Variants in IGSF21 observed in about 807,000 individuals in gnomAD.
The protein encoded by IGSF21 is immunoglobulin superfamily member 21.
IGSF21 carries 28 observed loss-of-function variants against 46.8 expected under a neutral mutation model. The observed-to-expected ratio is 0.60, with a 90% CI of 0.44 to 0.82. The LOEUF (loss-of-function observed/expected upper bound fraction) is 0.82, where lower values mean the gene tolerates loss of function less well. Among genes scored for constraint, IGSF21 ranks in the 40% least tolerant of loss-of-function variants. The pLI, the probability that IGSF21 is intolerant of heterozygous loss-of-function variation, is 0.00. For missense variants in IGSF21, 624 were observed against 665.5 expected (o/e 0.94, Z 0.69); for synonymous variants, 284 against 273.6 (o/e 1.04, Z -0.38).
At chr1:18,146,408 C>T (rs78307495) in intron 1 of IGSF21, among the ~76,000 whole-genome samples, 2,189 of 152,190 alleles carry the variant, frequency 0.014, 56 homozygotes, top group African/African-American at 0.05. Context: ...GTTGGCTCAG[C>T]GGGCGACCTT....
chr1:18,354,042 T>C (rs916786608), intron 4 of IGSF21, among the ~76,000 whole-genome samples: 24 of 152,174 alleles, frequency 1.6e-4, no homozygotes, highest in African/African-American at 5.3e-4. Context: ...ACACGCACTC[T>C]AGTGGGGAGA....
chr1:18,108,795 C>T (rs1179079317), intron 1 of IGSF21, among the ~76,000 whole-genome samples: 4 of 151,234 alleles, frequency 2.6e-5, no homozygotes, highest in African/African-American at 9.7e-5. Context: ...ATTACTATTT[C>T]TGTGTGCACA....
intron 6 of IGSF21, among the ~76,000 whole-genome samples, chr1:18,372,360 C>T (rs1456437912): frequency 1.3e-5 from 2 of 152,164 alleles, no homozygotes; most frequent in Non-Finnish European, 2.9e-5. Flanking sequence ...GAATAGTGAC[C>T]ACCACAAATT....
At chr1:18,318,078 C>T (rs1431105799) in intron 3 of IGSF21, among the ~76,000 whole-genome samples, 1 of 152,166 alleles carries the variant, frequency 6.6e-6, no homozygotes, top group Non-Finnish European at 1.5e-5. Context: ...AATGAAAGAC[C>T]TTCCTAGAAG....
intron 4 of IGSF21, among the ~76,000 whole-genome samples, chr1:18,345,892 G>T (rs1186089650): frequency 1.3e-5 from 2 of 152,202 alleles, no homozygotes; most frequent in African/African-American, 4.8e-5. Flanking sequence ...CAGGGACCCA[G>T]CCACTATGCT....
intron 2 of IGSF21, among the ~76,000 whole-genome samples, chr1:18,270,273 G>A (rs946494427): frequency 5.3e-5 from 8 of 152,288 alleles, no homozygotes; most frequent in African/African-American, 9.6e-5. Context: ...TTTAAACAAG[G>A]GAGAGAACAG....
rs1441013749 is a variant in IGSF21 at position 18,116,706 on chromosome 1, A to G, written c.70+8508A>G. 3.9e-5 allele frequency among the ~76,000 whole-genome samples: 6 copies of G among 152,258 alleles called. No homozygotes were observed. The South Asian group carries it at 6.2e-4, about 16-fold the overall frequency. On this transcript the variant is annotated intron_variant, in intron 1 of 9. Transcript: ENST00000251296. ...AGTTTCAGGTTGTGGGCAATCCCAC[A>G]TTCATTGAGAACAATTAAAAATCAC... is the stretch of plus-strand genomic sequence containing the variant.
At position 18,264,307 on chromosome 1, in the gene IGSF21, C is replaced by G. The variant is rs144970147; in HGVS notation, c.184-27559C>G. On this transcript the variant is annotated intron_variant, in intron 2 of 9. Transcript: ENST00000251296. ...TTTAGCATGCTTGCTTTCTGCCCGG[C>G]CCCCAACCCTTAAATTAAATGAGAT... Among the ~76,000 whole-genome samples, 70 of 152,276 alleles carry G rather than the reference C, an allele frequency of 4.6e-4. No individual in the cohort carries two copies. In the East Asian group the frequency reaches 0.013, roughly 29 times the overall value.
chr1:18,164,552 A>G (rs550964177), intron 1 of IGSF21, among the ~76,000 whole-genome samples: 62 of 152,228 alleles, frequency 4.1e-4, no homozygotes, highest in Non-Finnish European at 7.9e-4. Flanking sequence ...CTTGCCAAAC[A>G]CGGTGTCAGC....
At position 18,108,985 on chromosome 1, in the gene IGSF21, AGTGT is replaced by A. The variant is rs10686337; in HGVS notation, c.70+814_70+817del. 1.1e-3 allele frequency among the ~76,000 whole-genome samples: 143 copies of A among 127,888 alleles called. 2 individuals carry two copies. In the South Asian group the frequency reaches 0.023, roughly 20 times the overall value. 83.9% of individuals were successfully genotyped at this position (127,888 alleles called of 152,430 possible). The stretch of plus-strand genomic sequence containing the variant: ...GGGGCTGGGGAGTTGTGAGCAGCTC[AGTGT>A]GTGTGTGTGTGTGTGTGTGTGTGTG... On this transcript the variant is annotated intron_variant, in intron 1 of 9. Transcript: ENST00000251296.
At chr1:18,355,231 G>A (rs968028635) in intron 4 of IGSF21, among the ~76,000 whole-genome samples, 12 of 152,198 alleles carry the variant, frequency 7.9e-5, no homozygotes, top group Non-Finnish European at 1.5e-5. Context: ...ACAATTCTGA[G>A]ATTTATATCA....
chr1:18,340,272 G>C (rs879421429), intron 4 of IGSF21, among the ~76,000 whole-genome samples: 6 of 152,088 alleles, frequency 3.9e-5, no homozygotes, highest in Non-Finnish European at 7.4e-5. Context: ...CAATAGGGGA[G>C]GCAGAAGATG....
chr1:18,376,220 G>A (rs2086278847), intron 6 of IGSF21, 90 bp from the exon 7 acceptor site: 3 of 878,866 alleles, frequency 3.4e-6, no homozygotes, highest in Non-Finnish European at 5.9e-6. Context: ...TGATCCCAAG[G>A]ATGTTGATTG....
At chr1:18,283,434 C>T (rs1312775518) in intron 2 of IGSF21, among the ~76,000 whole-genome samples, 1 of 152,184 alleles carries the variant, frequency 6.6e-6, no homozygotes, top group African/African-American at 2.4e-5. Flanking sequence ...CAGAGCCTGC[C>T]CTACCCTCTC....
At chr1:18,261,471 T>A (rs1303008731) in intron 2 of IGSF21, among the ~76,000 whole-genome samples, 1 of 152,260 alleles carries the variant, frequency 6.6e-6, no homozygotes. Flanking sequence ...CAGAAGTCAC[T>A]GCCCCCTTCC....
At chr1:18,191,062 C>T (rs780594857) in intron 1 of IGSF21, among the ~76,000 whole-genome samples, 1 of 152,076 alleles carries the variant, frequency 6.6e-6, no homozygotes, top group Admixed American at 6.6e-5. Context: ...GGGGACCCTG[C>T]GAGGCTCCAG....
chr1:18,365,849 G>A lies in IGSF21; in HGVS notation c.1015+152G>A. 7.3e-6 allele frequency: 5 copies of A among 683,558 alleles called. No homozygotes were observed. The highest frequency in any genetic ancestry group is 1.2e-5 in the Non-Finnish European group (5 of 411,086). 42.3% of individuals were successfully genotyped at this position (683,558 alleles called of 1,614,324 possible). A position where few individuals can be genotyped will look rare whatever the true frequency, so the allele number is the denominator to read the frequency against. The stretch of plus-strand genomic sequence containing the variant: ...GGATGAGCACAAATGGTAGAGTCAG[G>A]TTCTTAGGGAGGTTTGCTGAGCTGG... On this transcript the variant is annotated intron_variant, in intron 6 of 9. Transcript: ENST00000251296. This position sits in a 1 kb window ranked among gnomAD's most constrained non-coding sequence, Gnocchi z 4.8.
At position 18,228,147 on chromosome 1, in the gene IGSF21, G is replaced by A. The variant is rs574476763; in HGVS notation, c.183+137G>A. The A allele has an allele frequency of 2.0e-5, 13 of 657,752 alleles. No homozygotes were observed. In the South Asian group the frequency reaches 2.2e-4, roughly 11 times the overall value. 40.7% of individuals were successfully genotyped at this position (657,752 alleles called of 1,614,324 possible). A position where few individuals can be genotyped will look rare whatever the true frequency, so the allele number is the denominator to read the frequency against. ...CCTGAGTTGTCCTGGGCATCTGCTG[G>A]GTCCCCGCCCTCTGCTGACACCCTC... is the stretch of plus-strand genomic sequence containing the variant. On this transcript the variant is annotated intron_variant, in intron 2 of 9. Coordinates refer to ENST00000251296, the MANE Select transcript of IGSF21 (RefSeq NM_032880.5).
At chr1:18,329,815 C>G (rs986750187) in intron 3 of IGSF21, among the ~76,000 whole-genome samples, 2 of 152,192 alleles carry the variant, frequency 1.3e-5, no homozygotes, top group African/African-American at 4.8e-5. Context: ...GGTGGATGGC[C>G]CACAGCCCTG....
Sources: gnomAD v4.1 joint callset for allele counts (sites outside exome capture counted in the v4.1 genomes callset) on GRCh38, gnomAD v4.1.1 for gene constraint, Gnocchi (gnomAD v3.1) non-coding constraint, MANE v1.5 for transcripts, NCBI Gene and HGNC (gene_info 2026-07-23, HGNC 2026-07-21) for gene names.